EML4: variants seen among roughly 807,000 people sequenced by gnomAD.
The protein encoded by EML4 is echinoderm microtubule-associated protein-like 4.
EML4 carries 72 observed loss-of-function variants against 129.0 expected under a neutral mutation model. The ratio of observed to expected loss-of-function variants is 0.56; its 90% CI spans 0.46 to 0.68. The LOEUF is 0.68. Among genes scored for constraint, EML4 ranks in the 30% least tolerant of loss-of-function variants. The pLI is 0.00. For synonymous variants in EML4, 532 were observed against 405.0 expected (o/e 1.31, Z -3.77); for missense variants, 1,363 against 1,190.6 (o/e 1.14, Z -2.13).
At chr2:42,309,708 A>G (rs1352402454) in intron 17 of EML4, among the ~76,000 whole-genome samples, 1 of 152,216 alleles carries the variant, frequency 6.6e-6, no homozygotes, top group Non-Finnish European at 1.5e-5. Flanking sequence ...AGAGAAATGT[A>G]TGTTGAAATC....
chr2:42,218,637 G>A (rs974711677), intron 1 of EML4, among the ~76,000 whole-genome samples: 5 of 152,054 alleles, frequency 3.3e-5, no homozygotes, highest in African/African-American at 9.7e-5. Flanking sequence ...AATTAAATTT[G>A]CCCTATCATA....
chr2:42,201,858 G>C (rs978278424), intron 1 of EML4, among the ~76,000 whole-genome samples: 1 of 152,180 alleles, frequency 6.6e-6, no homozygotes, highest in African/African-American at 2.4e-5. Context: ...GAGGTAGGCA[G>C]ATCACTTGAG....
In EML4 at chr2:42,331,347, G is replaced by T. The variant is rs1027821787; in HGVS notation, c.*1140G>T. On this transcript the variant is annotated 3_prime_UTR_variant, in exon 23 of 23. Coordinates refer to ENST00000318522, the MANE Select transcript of EML4 (RefSeq NM_019063.5). ...TTCTGGTGGAGTTGCTGTAAGTCTT[G>T]TAAGTCTAATGTGGCTATCCTACTC... The T allele has an allele frequency of 8.9e-6, 2 of 224,206 alleles. No individual in the cohort carries two copies. The highest frequency in any genetic ancestry group is 5.7e-5 in the Admixed American group (1 of 17,490). 13.9% of individuals were successfully genotyped at this position (224,206 alleles called of 1,614,324 possible).
At chr2:42,248,948 C>A (rs957476622) in intron 2 of EML4, among the ~76,000 whole-genome samples, 1 of 152,036 alleles carries the variant, frequency 6.6e-6, no homozygotes, top group Non-Finnish European at 1.5e-5. Context: ...GATATTAAGA[C>A]ATTGAGAGAA....
rs181325688 is a variant in EML4, at chr2:42,186,617, T to C, written c.25+16981T>C. Among the ~76,000 whole-genome samples the C allele has an allele frequency of 1.1e-4, 17 of 152,364 alleles. No individual in the cohort carries two copies. In the East Asian group the frequency reaches 2.9e-3, roughly 26 times the overall value. On this transcript the variant is annotated intron_variant, in intron 1 of 22. Coordinates refer to ENST00000318522, the MANE Select transcript of EML4 (RefSeq NM_019063.5). The stretch of plus-strand genomic sequence containing the variant: ...TTTGTGTCAGACTTCATTGGACTTA[T>C]TTAAAACTGGGTATACTCTGCTCCT...
intron 1 of EML4, among the ~76,000 whole-genome samples, chr2:42,214,944 C>T (rs1673096380): frequency 6.6e-6 from 1 of 152,156 alleles, no homozygotes; most frequent in African/African-American, 2.4e-5. Context: ...GTCACAAGGC[C>T]AGCCTAGATT....
intron 1 of EML4, among the ~76,000 whole-genome samples, chr2:42,205,426 A>G (rs944056205): frequency 1.4e-4 from 21 of 152,204 alleles, no homozygotes; most frequent in African/African-American, 4.3e-4. Context: ...CTAAAAGTAA[A>G]CTAATTTCAG....
chr2:42,217,616 AAG>A (rs533364733), intron 1 of EML4, among the ~76,000 whole-genome samples: 53 of 152,190 alleles, frequency 3.5e-4, no homozygotes, highest in Non-Finnish European at 6.6e-4. Context: ...ACCCATGAAA[AAG>A]ATGCTTTCTG....
intron 21 of EML4, among the ~76,000 whole-genome samples, 164 bp downstream of exon 21, chr2:42,326,416 G>A (rs1249127464): frequency 6.6e-6 from 1 of 152,160 alleles, no homozygotes; most frequent in Non-Finnish European, 1.5e-5. Flanking sequence ...GAACCAACAT[G>A]GGATTTGTAT....
At chr2:42,301,770 TC>T (rs1477091665) in intron 14 of EML4, among the ~76,000 whole-genome samples, 1 of 152,078 alleles carries the variant, frequency 6.6e-6, no homozygotes, top group East Asian at 1.9e-4. Context: ...AAAAAGAGGA[TC>T]CTGATAGTAC....
intron 14 of EML4, among the ~76,000 whole-genome samples, chr2:42,301,698 T>G (rs1668295302): frequency 6.6e-6 from 1 of 152,122 alleles, no homozygotes. Context: ...GGATTTATGC[T>G]TAGTGTTTTT....
At chr2:42,287,855 A>C (rs1238967797) in intron 10 of EML4, among the ~76,000 whole-genome samples, 1 of 152,140 alleles carries the variant, frequency 6.6e-6, no homozygotes, top group Non-Finnish European at 1.5e-5. Flanking sequence ...GAAATTGTGT[A>C]CATTTCTTCT....
At chr2:42,283,024 G>T (rs745846353) in intron 8 of EML4, 52 bp downstream of exon 8, 2 of 1,492,002 alleles carry the variant, frequency 1.3e-6, no homozygotes, top group African/African-American at 1.4e-5. Flanking sequence ...CCCTCATTTT[G>T]TATTTTTTAA....
rs1170411904 is a variant in EML4, at chr2:42,184,967, G to C, written c.25+15331G>C. Among the ~76,000 whole-genome samples, 3 of 152,168 alleles carry C rather than the reference G, an allele frequency of 2.0e-5. No individual in the cohort carries two copies. The East Asian group carries it at 5.8e-4, about 29-fold the overall frequency. ...GCTTTGGCCGATGGGAAAACCATAGGATCAGTGGATTGATAAAATTCTCTT... is the reference window on the plus strand; with the variant it reads ...GCTTTGGCCGATGGGAAAACCATAGCATCAGTGGATTGATAAAATTCTCTT... On this transcript the variant is annotated intron_variant, in intron 1 of 22. Transcript: ENST00000318522.
intron 5 of EML4, 114 bp from the exon 6 acceptor site, chr2:42,264,592 G>A (rs1665947109): frequency 1.5e-6 from 1 of 684,770 alleles, no homozygotes; most frequent in Non-Finnish European, 2.5e-6. Flanking sequence ...CACTTCCAGA[G>A]ATTTATCTAG....
At chr2:42,201,245 G>C (rs938042315) in intron 1 of EML4, among the ~76,000 whole-genome samples, 37 of 152,134 alleles carry the variant, frequency 2.4e-4, no homozygotes, top group African/African-American at 6.0e-4. Context: ...CTCTGTATCA[G>C]AATCTGTTTG....
In EML4 at chr2:42,301,266, C is replaced by A. The variant is rs1437585262; in HGVS notation, c.1515C>A (p.Ile505=). The change falls in exon 14 of 23, where the codon ATC becomes ATA. Residue 505 remains isoleucine, a synonymous_variant. Transcript: ENST00000318522. ...PKGVYQISKQ[I]KAHDGSVFTL... ...GTGTATATCAAATCAGCAAACAAAT[C>A]AAAGCTCATGATGGCAGTGTGTTCA... 6.2e-7 allele frequency: 1 copy of A among 1,611,926 alleles called. No individual in the cohort carries two copies. Among genetic ancestry groups the A allele is most frequent in the Admixed American group, 1.7e-5 (1 of 59,604 alleles).
intron 19 of EML4, 33 bp downstream of exon 19, chr2:42,317,557 A>T: frequency 1.3e-6 from 2 of 1,486,054 alleles, no homozygotes; most frequent in African/African-American, 2.8e-5. Flanking sequence ...TTGTAAAATT[A>T]TTGGGAAATT....
chr2:42,226,656 CAAAATAAAAT>C (rs377423351), intron 1 of EML4, among the ~76,000 whole-genome samples: 8 of 149,920 alleles, frequency 5.3e-5, no homozygotes, highest in Non-Finnish European at 8.9e-5. Context: ...GACTCTGTCT[CAAAATAAAAT>C]AAAATAAAAT....
Sources: allele counts gnomAD v4.1 joint callset (sites outside exome capture counted in the v4.1 genomes callset), GRCh38; gene constraint gnomAD v4.1.1; transcripts MANE v1.5; gene names NCBI Gene and HGNC (gene_info 2026-07-23, HGNC 2026-07-21).